MYOT: variants seen among roughly 807,000 people sequenced by gnomAD.
MYOT encodes myotilin.
MYOT carries 36 observed loss-of-function variants against 58.0 expected under a neutral mutation model. That is an observed-to-expected ratio of 0.62 (90% confidence interval 0.48 to 0.82). The LOEUF is 0.82. Ranked by LOEUF, MYOT falls within the 40% of genes least tolerant of loss-of-function variation. The probability of loss-of-function intolerance (pLI) is 0.00; values close to 1 mark genes in which losing one functional copy is unlikely to be tolerated. For synonymous variants in MYOT, 218 were observed against 204.6 expected (o/e 1.07, Z -0.56); for missense variants, 505 against 592.1 (o/e 0.85, Z 1.53).
At chr5:137,882,162 G>A in intron 6 of MYOT, 57 bp downstream of exon 6, 1 of 1,586,414 alleles carries the variant, frequency 6.3e-7, no homozygotes, top group South Asian at 1.1e-5. Context: ...ACTAAGTTTT[G>A]AAAAATGTTC....
chr5:137,872,449 CAA>C (rs1261296210), intron 2 of MYOT, among the ~76,000 whole-genome samples: 3 of 152,158 alleles, frequency 2.0e-5, no homozygotes, highest in African/African-American at 7.2e-5. Context: ...AGAAAGTGAT[CAA>C]AGACTTAAGA....
intron 8 of MYOT, 121 bp from the exon 9 acceptor site, chr5:137,886,739 CAATA>C: frequency 1.3e-6 from 1 of 765,370 alleles, no homozygotes; most frequent in South Asian, 1.6e-5. Context: ...AGCTATTTGG[CAATA>C]AATAGATACA....
chr5:137,870,700 TG>T lies in MYOT; in HGVS notation c.50del (p.Cys17LeufsTer42). ...PKHFIQSQNP[C>X]GSRLQPPGPE... ...ACACTTCATCCAGTCCCAAAACCCA[TG>T]TGGCTCCAGATTGCAGCCTCCTGGA... On this transcript the variant is annotated frameshift_variant, in exon 2 of 10. Transcript: ENST00000239926. LOFTEE classifies it high-confidence loss of function. The T allele has an allele frequency of 6.2e-7, 1 of 1,614,236 alleles. No homozygotes were observed. The highest frequency in any genetic ancestry group is 8.5e-7 in the Non-Finnish European group (1 of 1,180,052).
Position 137,887,028 on chromosome 5 carries a change from A to C in MYOT, c.1324+31A>C, listed in dbSNP as rs752216970. 3.1e-6 allele frequency: 5 copies of C among 1,602,072 alleles called. No homozygotes were observed. In the Admixed American group the frequency reaches 5.0e-5, roughly 16 times the overall value. On this transcript the variant is annotated intron_variant, in intron 9 of 9. Coordinates refer to ENST00000239926, the MANE Select transcript of MYOT (RefSeq NM_006790.3). ...TCATACTATTAACCAAAGTATTATA[A>C]GGGATTTAACTAGGAAGATTTAATA...
intron 7 of MYOT, among the ~76,000 whole-genome samples, chr5:137,883,934 T>G (rs2149988366): frequency 6.6e-6 from 1 of 152,316 alleles, no homozygotes; most frequent in South Asian, 2.1e-4. Context: ...AATGAAAATC[T>G]TAGTCTAATC....
intron 9 of MYOT, 44 bp downstream of exon 9, chr5:137,887,041 G>C (rs768082277): frequency 1.3e-6 from 2 of 1,585,604 alleles, no homozygotes; most frequent in Admixed American, 1.7e-5. Flanking sequence ...GATTTAACTA[G>C]GAAGATTTAA....
Position 137,870,516 on chromosome 5 carries a change from G to C in MYOT, c.-136G>C. 1.3e-6 allele frequency: 1 copy of C among 792,682 alleles called. No individual in the cohort carries two copies. The allele number at this position is 792,682 out of a possible 1,614,324, so 49.1% of individuals were successfully genotyped here. On this transcript the variant is annotated 5_prime_UTR_variant, in exon 2 of 10. Transcript: ENST00000239926. ...ATTCTCAGGATCTCAACAAGGAAGA[G>C]CAGACCAAGGTTGCTTCTGATTCCT...
intron 2 of MYOT, among the ~76,000 whole-genome samples, chr5:137,875,386 G>A (rs916394165): frequency 3.3e-5 from 5 of 152,014 alleles, no homozygotes; most frequent in African/African-American, 1.2e-4. Flanking sequence ...TAACTATCAG[G>A]TACTATGTTC....
intron 4 of MYOT, among the ~76,000 whole-genome samples, chr5:137,878,383 A>G (rs1755301848): frequency 6.6e-6 from 1 of 151,974 alleles, no homozygotes; most frequent in African/African-American, 2.4e-5. Flanking sequence ...AGGCCCAGCT[A>G]ATTTTTGTAT....
chr5:137,877,444 T>C (rs1755265983), intron 3 of MYOT, 76 bp from the exon 4 acceptor site: 8 of 855,696 alleles, frequency 9.3e-6, no homozygotes, highest in South Asian at 8.0e-5. Flanking sequence ...TTCTGACCTA[T>C]AGTAGTGGTT....
chr5:137,883,167 T>C (rs184665809), intron 6 of MYOT: 396 of 536,042 alleles, frequency 7.4e-4, no homozygotes, highest in Middle Eastern at 5.1e-3. Flanking sequence ...TGTAAAAGAG[T>C]TATGGTTTGA....
chr5:137,885,985 T>A, intron 7 of MYOT, 63 bp from the exon 8 acceptor site: 1 of 1,118,496 alleles, frequency 8.9e-7, no homozygotes, highest in Non-Finnish European at 1.3e-6. Flanking sequence ...CATAATACCT[T>A]GGTTTGATTT....
Position 137,887,488 on chromosome 5 carries a change from T to A in MYOT, c.*103T>A. 3 of 986,936 alleles carry A rather than the reference T, an allele frequency of 3.0e-6. No individual in the cohort carries two copies. The highest frequency in any genetic ancestry group is 4.6e-6 in the Non-Finnish European group (3 of 650,314). 61.1% of individuals were successfully genotyped at this position (986,936 alleles called of 1,614,324 possible). ...TAGCTGTATTAACAGATTATGGTTTTAATTAGGTAATATAGTTAATATATA... is the reference window on the plus strand; with the variant it reads ...TAGCTGTATTAACAGATTATGGTTTAAATTAGGTAATATAGTTAATATATA... On this transcript the variant is annotated 3_prime_UTR_variant, in exon 10 of 10. Coordinates refer to ENST00000239926, the MANE Select transcript of MYOT (RefSeq NM_006790.3).
At chr5:137,879,581 A>G (rs1444125082) in intron 4 of MYOT, among the ~76,000 whole-genome samples, 2 of 142,118 alleles carry the variant, frequency 1.4e-5, no homozygotes, top group African/African-American at 5.4e-5. Flanking sequence ...CTGGAGTACA[A>G]TGGCGCGATC....
At chr5:137,885,653 T>A (rs1428971688) in intron 7 of MYOT, among the ~76,000 whole-genome samples, 1 of 151,480 alleles carries the variant, frequency 6.6e-6, no homozygotes, top group East Asian at 1.9e-4. Flanking sequence ...ACACCTGTAA[T>A]CCCAGCTACT....
intron 7 of MYOT, among the ~76,000 whole-genome samples, chr5:137,885,742 A>G (rs1001780124): frequency 7.3e-6 from 1 of 136,450 alleles, no homozygotes; most frequent in Non-Finnish European, 1.5e-5. Context: ...ACTGCGCTCC[A>G]GCCTGGGCAA....
rs530840342 is a variant in MYOT, at chr5:137,879,766, G to A, written c.634-1050G>A. Reference sequence around the variant, plus strand: ...TTACCCAGGATGGTCTCGATCTCCTGACCTCATGATCCACCTGCCTCGGCC... The same window carrying A: ...TTACCCAGGATGGTCTCGATCTCCTAACCTCATGATCCACCTGCCTCGGCC... On this transcript the variant is annotated intron_variant, in intron 4 of 9. Coordinates refer to ENST00000239926, the MANE Select transcript of MYOT (RefSeq NM_006790.3). 7.0e-5 allele frequency among the ~76,000 whole-genome samples: 10 copies of A among 143,414 alleles called. No homozygotes were observed. The East Asian group carries it at 8.2e-4, about 12-fold the overall frequency. The allele number at this position is 143,414 out of a possible 152,430, so 94.1% of individuals were successfully genotyped here.
intron 4 of MYOT, among the ~76,000 whole-genome samples, 159 bp downstream of exon 4, chr5:137,877,780 TACC>T (rs1755280520): frequency 6.6e-6 from 1 of 152,242 alleles, no homozygotes; most frequent in Admixed American, 6.5e-5. Flanking sequence ...TACATAATTT[TACC>T]ACATTTTACC....
Position 137,887,421 on chromosome 5 carries a change from C to T in MYOT, c.*36C>T, listed in dbSNP as rs1755639564. The T allele has an allele frequency of 6.3e-7, 1 of 1,597,944 alleles. No homozygotes were observed. Among genetic ancestry groups the T allele is most frequent in the African/African-American group, 1.3e-5 (1 of 74,544 alleles). On this transcript the variant is annotated 3_prime_UTR_variant, in exon 10 of 10. Coordinates refer to ENST00000239926, the MANE Select transcript of MYOT (RefSeq NM_006790.3). Reference sequence around the variant, plus strand: ...AACATTGGAAAACAGCCAACTACACCATTAGTAATATATTTGATTACATTT... The same window carrying T: ...AACATTGGAAAACAGCCAACTACACTATTAGTAATATATTTGATTACATTT...
Sources: gnomAD v4.1 joint callset for allele counts (sites outside exome capture counted in the v4.1 genomes callset) on GRCh38, gnomAD v4.1.1 for gene constraint, MANE v1.5 for transcripts, NCBI Gene and HGNC (gene_info 2026-07-23, HGNC 2026-07-21) for gene names.